The following SPEF2 variants were observed in gnomAD, a reference collection of about 807,000 sequenced individuals.
SPEF2 encodes sperm flagella and cilia-associated protein 2.
SPEF2 carries 187 observed loss-of-function variants against 224.6 expected under a neutral mutation model. The ratio of observed to expected loss-of-function variants is 0.83; its 90% confidence interval spans 0.74 to 0.94. The LOEUF (loss-of-function observed/expected upper bound fraction) is 0.94. Ranked by LOEUF, SPEF2 falls within the 40% of genes least tolerant of loss-of-function variation. The pLI is 0.00. For synonymous variants in SPEF2, 715 were observed against 707.3 expected, an observed-to-expected ratio of 1.01 and a Z score of -0.17; for missense variants, 2,170 against 2,135.6, an observed-to-expected ratio of 1.02 and a Z score of -0.32.
intron 23 of SPEF2, among the ~76,000 whole-genome samples, chr5:35,751,080 C>CGTATATATATACGTATATATATACGTAT (rs1749529999): frequency 2.3e-5 from 1 of 43,736 alleles, no homozygotes; most frequent in Non-Finnish European, 4.5e-5. Flanking sequence ...TATATATATA[C>CGTATATATATACGTATATATATACGTAT]ACACACACAC....
chr5:35,634,465 A>G (rs1187881923), intron 2 of SPEF2, among the ~76,000 whole-genome samples: 3 of 152,100 alleles, frequency 2.0e-5, no homozygotes, highest in African/African-American at 7.2e-5. Context: ...TGACTATAAT[A>G]TGTCTAGGTG....
At chr5:35,640,039 C>T (rs1224099767) in intron 2 of SPEF2, among the ~76,000 whole-genome samples, 2 of 152,066 alleles carry the variant, frequency 1.3e-5, no homozygotes, top group South Asian at 2.1e-4. Context: ...GTACTTTGGC[C>T]AGTTCATAAA....
chr5:35,803,514 G>A (rs1202684514), intron 34 of SPEF2, among the ~76,000 whole-genome samples: 1 of 152,168 alleles, frequency 6.6e-6, no homozygotes, highest in Non-Finnish European at 1.5e-5. Flanking sequence ...GGTGGAGCCT[G>A]GGATGGAACA....
Position 35,659,004 on chromosome 5 carries a change from C to A in SPEF2, c.979-15C>A. The A allele has an allele frequency of 6.6e-7, 1 of 1,518,452 alleles. No homozygotes were observed. The highest frequency in any genetic ancestry group is 1.3e-5 in the South Asian group (1 of 76,776). 94.1% of individuals were successfully genotyped at this position (1,518,452 alleles called of 1,614,324 possible). On this transcript the variant is annotated splice_polypyrimidine_tract_variant and intron_variant, in intron 7 of 36. Coordinates refer to ENST00000356031, the MANE Select transcript of SPEF2 (RefSeq NM_024867.4). ...TGGACGTCACTTTAACAAATAATTC[C>A]CCTGGTGTTTTCAGGAGGCTTATCG... is the stretch of plus-strand genomic sequence containing the variant.
intron 3 of SPEF2, chr5:35,643,719 A>C: frequency 3.0e-6 from 1 of 338,656 alleles, no homozygotes; most frequent in Non-Finnish European, 5.9e-6. Context: ...ATAATGGTTG[A>C]AATTTATTAA....
At chr5:35,781,564 T>C (rs1754341610) in intron 30 of SPEF2, 1 of 152,148 alleles carries the variant, frequency 6.6e-6, no homozygotes, top group African/African-American at 2.4e-5. Flanking sequence ...AGAGGAGGCT[T>C]TCTCTGTGTG....
intron 21 of SPEF2, among the ~76,000 whole-genome samples, chr5:35,739,070 G>A (rs541630941): frequency 2.0e-5 from 3 of 152,160 alleles, no homozygotes; most frequent in East Asian, 1.9e-4. Flanking sequence ...GTCTTCAGAT[G>A]TGTTCAAACA....
At chr5:35,794,244 A>AT (rs1170954184) in intron 32 of SPEF2, among the ~76,000 whole-genome samples, 1 of 152,230 alleles carries the variant, frequency 6.6e-6, no homozygotes, top group Non-Finnish European at 1.5e-5. Context: ...TGCTCACACC[A>AT]TTTCACATTG....
rs765675618 is a variant in SPEF2 at position 35,814,487 on chromosome 5, G to A, written c.5403G>A (p.Arg1801=). 6.9e-6 allele frequency: 11 copies of A among 1,605,392 alleles called. No individual in the cohort carries two copies. Among genetic ancestry groups the A allele is most frequent in the Non-Finnish European group, 9.4e-6 (11 of 1,174,818 alleles). Residue 1801 remains arginine, a synonymous_variant, in exon 37 of 37, where the codon AGG becomes AGA. Coordinates refer to ENST00000356031, the MANE Select transcript of SPEF2 (RefSeq NM_024867.4). ...AGGATATTAAAATAATTCTCCAAAG[G>A]AGTGAACATGTACAAGGAAGTGATG... is the stretch of plus-strand genomic sequence containing the variant. ...KFPDIKIILQ[R]SEHVQGSDGE... is the part of the protein sequence containing the mutation.
chr5:35,803,401 T>C (rs1202564097), intron 34 of SPEF2, among the ~76,000 whole-genome samples: 1 of 152,120 alleles, frequency 6.6e-6, no homozygotes, highest in East Asian at 1.9e-4. Context: ...GGGAAGCAGC[T>C]CTCCTTGAGT....
At chr5:35,706,075 G>A (rs541914018) in intron 18 of SPEF2, among the ~76,000 whole-genome samples, 18 of 151,340 alleles carry the variant, frequency 1.2e-4, no homozygotes, top group African/African-American at 3.9e-4. Flanking sequence ...AAAAAACCCA[G>A]CAGAGTTAAA....
At chr5:35,669,716 C>T (rs2149477584) in intron 9 of SPEF2, among the ~76,000 whole-genome samples, 1 of 152,112 alleles carries the variant, frequency 6.6e-6, no homozygotes, top group Admixed American at 6.5e-5. Flanking sequence ...ACTTAGGTTC[C>T]TTAATTCTCA....
chr5:35,631,025 ATT>A lies in SPEF2; in HGVS notation c.161+2466_161+2467del, dbSNP rs376146305. 2.1e-3 allele frequency among the ~76,000 whole-genome samples: 325 copies of A among 152,326 alleles called. 1 individual carries two copies. The highest frequency in any genetic ancestry group is 7.5e-3 in the African/African-American group (312 of 41,568). On this transcript the variant is annotated intron_variant, in intron 2 of 36. Transcript: ENST00000356031. ...CTCAGCATCATTAGTGTATTATTCC[ATT>A]TTCACACTGCTGATAAAGACATACC...
At chr5:35,742,936 C>A (rs896947355) in intron 23 of SPEF2, among the ~76,000 whole-genome samples, 1 of 151,656 alleles carries the variant, frequency 6.6e-6, no homozygotes, top group African/African-American at 2.4e-5. Flanking sequence ...AAATGTAACA[C>A]AATTTTAAAT....
At chr5:35,711,231 A>T (rs6451208) in intron 19 of SPEF2, among the ~76,000 whole-genome samples, 117,091 of 152,092 alleles carry the variant, frequency 0.77, 45,238 homozygotes, top group Middle Eastern at 0.83. Context: ...ATGAAATTTT[A>T]AAAAAGGGCT....
chr5:35,768,604 A>G (rs943744578), intron 26 of SPEF2, among the ~76,000 whole-genome samples: 3 of 152,124 alleles, frequency 2.0e-5, no homozygotes, highest in Admixed American at 1.3e-4. Context: ...TTTAGAAACT[A>G]TATATTTTAA....
At chr5:35,779,499 A>G (rs1373557919) in intron 30 of SPEF2, among the ~76,000 whole-genome samples, 153 bp downstream of exon 30, 3 of 152,212 alleles carry the variant, frequency 2.0e-5, no homozygotes, top group Non-Finnish European at 4.4e-5. Flanking sequence ...TATTTGTTTC[A>G]TACAACATAG....
chr5:35,686,810 A>C (rs1753697001), intron 10 of SPEF2, among the ~76,000 whole-genome samples: 1 of 151,556 alleles, frequency 6.6e-6, no homozygotes, highest in South Asian at 2.1e-4. Context: ...TGTTATTTTT[A>C]TTTTTCTGAT....
chr5:35,658,204 C>G (rs758970574), intron 7 of SPEF2, among the ~76,000 whole-genome samples: 1 of 152,162 alleles, frequency 6.6e-6, no homozygotes, highest in Non-Finnish European at 1.5e-5. Flanking sequence ...CAAGGCCACC[C>G]AGCCTATTAT....
Sources: allele counts gnomAD v4.1 joint callset (sites outside exome capture counted in the v4.1 genomes callset), GRCh38; gene constraint gnomAD v4.1.1; transcripts MANE v1.5; gene names NCBI Gene and HGNC (gene_info 2026-07-23, HGNC 2026-07-21).